Variants in ZNF267 observed in about 807,000 individuals in gnomAD.
ZNF267 encodes zinc finger (C2H2).
ZNF267 carries 61 observed loss-of-function variants against 71.6 expected under a neutral mutation model. That is an observed-to-expected ratio of 0.85 (90% CI 0.69 to 1.05). The LOEUF (loss-of-function observed/expected upper bound fraction) is 1.05, where lower values mean the gene tolerates loss of function less well. Ranked by LOEUF, ZNF267 falls within the 50% of genes least tolerant of loss-of-function variation. ZNF267 has a pLI of 0.00. For missense variants in ZNF267, 852 were observed against 870.0 expected (o/e 0.98, Z 0.26); for synonymous variants, 288 against 293.2 (o/e 0.98, Z 0.18).
rs538846503 is a variant in ZNF267 at position 31,877,130 on chromosome 16, T to TC, written c.3+3167dup. Among the ~76,000 whole-genome samples, 609 of 151,820 alleles carry TC rather than the reference T, an allele frequency of 4.0e-3. 2 individuals carry two copies. The highest frequency in any genetic ancestry group is 0.017 in the Middle Eastern group (5 of 294). On this transcript the variant is annotated intron_variant, in intron 1 of 3. Transcript: ENST00000300870. ...GCCTACTCATTAATCATTTTAACAC[T>TC]CCCCCCACCCGACAACTGGTTTTCC...
intron 1 of ZNF267, among the ~76,000 whole-genome samples, chr16:31,880,784 G>C (rs1039507006): frequency 1.3e-5 from 2 of 152,180 alleles, no homozygotes; most frequent in Non-Finnish European, 2.9e-5. Flanking sequence ...ATGTGTGGGT[G>C]AAATACAAGG....
At chr16:31,877,047 C>T (rs1351897790) in intron 1 of ZNF267, among the ~76,000 whole-genome samples, 1 of 152,110 alleles carries the variant, frequency 6.6e-6, no homozygotes, top group African/African-American at 2.4e-5. Context: ...TTGTGATTGT[C>T]CTGATTTTGG....
At chr16:31,911,600 C>A (rs939956930) in intron 3 of ZNF267, among the ~76,000 whole-genome samples, 24 of 150,894 alleles carry the variant, frequency 1.6e-4, no homozygotes, top group African/African-American at 4.4e-4. Flanking sequence ...ATTGGGTCTT[C>A]CTTTTTCTTT....
chr16:31,875,143 A>G, intron 1 of ZNF267: 4 of 1,289,114 alleles, frequency 3.1e-6, no homozygotes, highest in Non-Finnish European at 4.0e-6. Flanking sequence ...TGCTTTGGAA[A>G]CTTTACAGGG....
At chr16:31,903,269 C>A (rs146709580) in intron 3 of ZNF267, among the ~76,000 whole-genome samples, 1 of 152,122 alleles carries the variant, frequency 6.6e-6, no homozygotes, top group African/African-American at 2.4e-5. Flanking sequence ...GTGTGTCTGC[C>A]AGGCTTTGGT....
Position 31,914,594 on chromosome 16 carries a change from A to C in ZNF267, c.345A>C (p.Lys115Asn), listed in dbSNP as rs1044417910. The change falls in exon 4 of 4, where the codon AAA (lysine) becomes AAC (asparagine). Residue 115 changes from lysine (K) to asparagine (N), a missense_variant. Physicochemically the swap from Lys to Asn is moderately conservative, Grantham distance 94. Coordinates refer to ENST00000300870, the MANE Select transcript of ZNF267 (RefSeq NM_003414.6). ...ATCTTGAGAATTTACATTTAAGAAA[A>C]AGGTGGAAAAGGGAGGAGTGTGAAG... The part of the protein sequence containing the change: ...SCDLENLHLR[K>N]RWKREECEGH... 7 of 1,614,146 alleles carry C rather than the reference A, an allele frequency of 4.3e-6. No individual in the cohort carries two copies. Among genetic ancestry groups the C allele is most frequent in the Non-Finnish European group, 5.9e-6 (7 of 1,180,018 alleles).
At chr16:31,883,114 T>A (rs1175572032) in intron 1 of ZNF267, among the ~76,000 whole-genome samples, 2 of 152,220 alleles carry the variant, frequency 1.3e-5, no homozygotes, top group Non-Finnish European at 1.5e-5. Context: ...ATTTATTCTC[T>A]ATATTTTCAG....
At chr16:31,908,887 CTTTGCTATTCTGAGTCTTTTGTG>C (rs949386722) in intron 3 of ZNF267, among the ~76,000 whole-genome samples, 3 of 151,858 alleles carry the variant, frequency 2.0e-5, no homozygotes, top group African/African-American at 7.3e-5. Context: ...CTTAGGATAG[CTTTGCTATTCTGAGTCTTTTGTG>C]GTTCCATATA....
chr16:31,899,696 T>A (rs557825284), intron 3 of ZNF267, among the ~76,000 whole-genome samples: 1 of 152,262 alleles, frequency 6.6e-6, no homozygotes, highest in African/African-American at 2.4e-5. Context: ...CTAACTGTGG[T>A]GTTTAGGAAC....
intron 1 of ZNF267, among the ~76,000 whole-genome samples, chr16:31,877,336 A>G (rs1307951585): frequency 1.3e-5 from 2 of 152,204 alleles, no homozygotes; most frequent in South Asian, 2.1e-4. Context: ...GAGTATTGCA[A>G]TAGGGGGAAA....
chr16:31,883,263 A>AT (rs2083902007), intron 1 of ZNF267, among the ~76,000 whole-genome samples: 1 of 152,174 alleles, frequency 6.6e-6, no homozygotes, highest in South Asian at 2.1e-4. Flanking sequence ...ACTTTATTTC[A>AT]TTGTATGTAT....
At chr16:31,898,377 G>A (rs751358569) in intron 3 of ZNF267, among the ~76,000 whole-genome samples, 3 of 151,888 alleles carry the variant, frequency 2.0e-5, no homozygotes, top group Non-Finnish European at 2.9e-5. Context: ...GCATAGAGTC[G>A]GATCTTGTTT....
Position 31,915,312 on chromosome 16 carries a change from T to C in ZNF267, c.1063T>C (p.Cys355Arg), listed in dbSNP as rs2084166342. The C allele has an allele frequency of 2.5e-6, 4 of 1,613,928 alleles. No individual in the cohort carries two copies. The highest frequency in any genetic ancestry group is 2.7e-5 in the African/African-American group (2 of 75,052). The change falls in exon 4 of 4, where the codon TGT (cysteine) becomes CGT (arginine). Residue 355 changes from cysteine (C) to arginine (R), a missense_variant. Coordinates refer to ENST00000300870, the MANE Select transcript of ZNF267 (RefSeq NM_003414.6). ...TEEKPCKWKE[C>R]GKVFNLNCSL... Reference sequence around the variant, plus strand: ...AGAGAAACCCTGTAAATGGAAAGAATGTGGCAAGGTCTTTAACCTTAACTG... The same window carrying C: ...AGAGAAACCCTGTAAATGGAAAGAACGTGGCAAGGTCTTTAACCTTAACTG...
chr16:31,885,184 C>T lies in ZNF267; in HGVS notation c.154C>T (p.Leu52=), dbSNP rs777821456. Residue 52 remains leucine, a synonymous_variant, in exon 3 of 4, where the codon CTG becomes TTG. Transcript: ENST00000300870. ...SLGLVVSKPD[L]ITFLEQRKEP... ...AGGTCTTGTTGTCTCTAAGCCGGAC[C>T]TGATCACCTTTTTGGAACAAAGGAA... is the stretch of plus-strand genomic sequence containing the variant. The T allele has an allele frequency of 2.3e-5, 37 of 1,611,438 alleles. No homozygotes were observed. The highest frequency in any genetic ancestry group is 2.9e-5 in the Non-Finnish European group (34 of 1,179,210).
chr16:31,911,487 C>CT (rs991366254), intron 3 of ZNF267, among the ~76,000 whole-genome samples: 30 of 150,248 alleles, frequency 2.0e-4, no homozygotes, highest in Admixed American at 1.1e-3. Context: ...TACTTTGGTT[C>CT]TTTTTTTTTG....
At chr16:31,904,274 G>T (rs955522503) in intron 3 of ZNF267, among the ~76,000 whole-genome samples, 2 of 152,206 alleles carry the variant, frequency 1.3e-5, no homozygotes, top group African/African-American at 4.8e-5. Context: ...TTGATTTGGG[G>T]TGGAGAGTTC....
intron 3 of ZNF267, among the ~76,000 whole-genome samples, chr16:31,889,572 A>G (rs990786227): frequency 2.6e-5 from 4 of 152,210 alleles, no homozygotes; most frequent in Non-Finnish European, 4.4e-5. Flanking sequence ...CTATAAAGAA[A>G]AGAGATTTAA....
chr16:31,884,086 A>G (rs1476235618), intron 1 of ZNF267, among the ~76,000 whole-genome samples: 3 of 152,306 alleles, frequency 2.0e-5, no homozygotes, highest in East Asian at 3.9e-4. Flanking sequence ...CAAAATCTAG[A>G]TCTCCTGAAT....
chr16:31,884,067 G>A (rs528544055), intron 1 of ZNF267, among the ~76,000 whole-genome samples: 1 of 152,290 alleles, frequency 6.6e-6, no homozygotes, highest in African/African-American at 2.4e-5. Context: ...ATATGGAAAT[G>A]CAGAAACTCA....
Sources: allele counts gnomAD v4.1 joint callset (sites outside exome capture counted in the v4.1 genomes callset), GRCh38; gene constraint gnomAD v4.1.1; transcripts MANE v1.5; gene names NCBI Gene and HGNC (gene_info 2026-07-23, HGNC 2026-07-21).